The following SEMA3E variants were observed in gnomAD, a reference collection of about 807,000 sequenced individuals.
SEMA3E encodes semaphorin 3E, also known as semaphorin-3E.
SEMA3E carries 49 observed loss-of-function variants against 93.6 expected under a neutral mutation model. That is an observed-to-expected ratio of 0.52 (90% confidence interval 0.42 to 0.66). The LOEUF (loss-of-function observed/expected upper bound fraction) is 0.66. Among genes scored for constraint, SEMA3E ranks in the 30% least tolerant of loss-of-function variants. SEMA3E has a pLI of 0.00. For missense variants in SEMA3E, 906 were observed against 964.8 expected, an observed-to-expected ratio of 0.94 and a Z score of 0.81; for synonymous variants, 363 against 330.7, an observed-to-expected ratio of 1.10 and a Z score of -1.06.
At chr7:83,590,434 C>T (rs983179270) in intron 1 of SEMA3E, among the ~76,000 whole-genome samples, 2 of 152,138 alleles carry the variant, frequency 1.3e-5, no homozygotes, top group African/African-American at 4.8e-5. Flanking sequence ...CAAGGCATTG[C>T]CCTGTCCTTT....
At chr7:83,475,579 G>A (rs1789992777) in intron 2 of SEMA3E, among the ~76,000 whole-genome samples, 1 of 152,116 alleles carries the variant, frequency 6.6e-6, no homozygotes, top group South Asian at 2.1e-4. Context: ...TACCTAGGCT[G>A]CCACGCATCA....
chr7:83,632,582 C>T (rs1793808308), intron 1 of SEMA3E, among the ~76,000 whole-genome samples: 1 of 152,178 alleles, frequency 6.6e-6, no homozygotes, highest in Admixed American at 6.5e-5. Context: ...TGCCTTCCGC[C>T]ATGATAGTGA....
At chr7:83,456,109 C>A (rs1242882010) in intron 4 of SEMA3E, among the ~76,000 whole-genome samples, 1 of 152,194 alleles carries the variant, frequency 6.6e-6, no homozygotes, top group African/African-American at 2.4e-5. Flanking sequence ...TGCTAATATT[C>A]TTGTGCTAAA....
chr7:83,523,543 C>T (rs1057138927), intron 1 of SEMA3E, among the ~76,000 whole-genome samples: 10 of 152,076 alleles, frequency 6.6e-5, no homozygotes, highest in African/African-American at 2.2e-4. Context: ...CTGTCATTAT[C>T]GCTTTTCTCT....
rs11324407 is a variant in SEMA3E, at chr7:83,474,095, T to TA, written c.277-4794dup. Among the ~76,000 whole-genome samples the TA allele has an allele frequency of 7.6e-3, 828 of 108,542 alleles. 2 individuals are homozygous for TA. The highest frequency in any genetic ancestry group is 0.013 in the African/African-American group (383 of 29,338). 71.2% of individuals were successfully genotyped at this position (108,542 alleles called of 152,430 possible). A position where few individuals can be genotyped will look rare whatever the true frequency, so the allele number is the denominator to read the frequency against. On this transcript the variant is annotated intron_variant, in intron 2 of 16. Transcript: ENST00000643230. ...CAACAGAGTGAGACTCTATCTCAAT[T>TA]AAAAAAAAAAAAAAAAAAAAAGAAA...
intron 1 of SEMA3E, among the ~76,000 whole-genome samples, chr7:83,558,571 T>C (rs1456259804): frequency 6.6e-6 from 1 of 152,090 alleles, no homozygotes; most frequent in Non-Finnish European, 1.5e-5. Context: ...AAGAAAATAA[T>C]AGACCTATTA....
chr7:83,542,662 A>C (rs1194782650), intron 1 of SEMA3E, among the ~76,000 whole-genome samples: 1 of 152,156 alleles, frequency 6.6e-6, no homozygotes, highest in Non-Finnish European at 1.5e-5. Flanking sequence ...CCTAGAAAGC[A>C]GAAGGAAGGT....
chr7:83,456,012 T>C (rs1789470027), intron 4 of SEMA3E, among the ~76,000 whole-genome samples: 1 of 152,204 alleles, frequency 6.6e-6, no homozygotes, highest in Non-Finnish European at 1.5e-5. Flanking sequence ...CCACAGAAAC[T>C]GTGAGATAAT....
intron 1 of SEMA3E, among the ~76,000 whole-genome samples, chr7:83,594,655 G>A (rs1228665753): frequency 6.6e-6 from 1 of 152,008 alleles, no homozygotes; most frequent in African/African-American, 2.4e-5. Context: ...TTTTTATTTT[G>A]AAAATATGTT....
intron 1 of SEMA3E, among the ~76,000 whole-genome samples, chr7:83,599,095 T>G (rs2115974041): frequency 6.6e-6 from 1 of 152,334 alleles, no homozygotes; most frequent in African/African-American, 2.4e-5. Flanking sequence ...CTCTCATTTT[T>G]AAGGTAAAAA....
chr7:83,497,491 A>T (rs1039152222), intron 1 of SEMA3E, among the ~76,000 whole-genome samples: 1 of 152,184 alleles, frequency 6.6e-6, no homozygotes, highest in African/African-American at 2.4e-5. Context: ...AATTTCAGTC[A>T]GTAAGCATTG....
rs1311053148 is a variant in SEMA3E at position 83,396,513 on chromosome 7, T to A, written c.1458+125A>T. On this transcript the variant is annotated intron_variant, in intron 12 of 16. Transcript: ENST00000643230. ...TTAGAATTTGAAATAATTCTTCACT[T>A]ATATTAGCTCTGAATCCACAACATA... The A allele has an allele frequency of 6.3e-6, 4 of 631,522 alleles. No individual in the cohort carries two copies. The African/African-American group carries it at 7.3e-5, about 12-fold the overall frequency. 39.1% of individuals were successfully genotyped at this position (631,522 alleles called of 1,614,324 possible).
At chr7:83,623,086 C>T (rs1384702194) in intron 1 of SEMA3E, among the ~76,000 whole-genome samples, 2 of 152,220 alleles carry the variant, frequency 1.3e-5, no homozygotes, top group Admixed American at 6.5e-5. Flanking sequence ...GGAAAAACAA[C>T]ATTATTCTAA....
At chr7:83,462,713 G>A (rs1400416003) in intron 4 of SEMA3E, among the ~76,000 whole-genome samples, 1 of 149,304 alleles carries the variant, frequency 6.7e-6, no homozygotes, top group Non-Finnish European at 1.5e-5. Flanking sequence ...GCTACAGCAT[G>A]TCCTTTTAAA....
At chr7:83,374,162 C>A (rs1015305574) in intron 16 of SEMA3E, among the ~76,000 whole-genome samples, 1 of 142,316 alleles carries the variant, frequency 7.0e-6, no homozygotes, top group Admixed American at 7.3e-5. Context: ...GCCGAGATCA[C>A]GCCATTGCAC....
rs1224607258 is a variant in SEMA3E at position 83,619,900 on chromosome 7, T to TAGAC, written c.115+28524_115+28527dup. Among the ~76,000 whole-genome samples the TAGAC allele has an allele frequency of 9.3e-3, 1,092 of 117,808 alleles. 9 individuals are homozygous for TAGAC. Among genetic ancestry groups the TAGAC allele is most frequent in the Non-Finnish European group, 0.012 (675 of 57,144 alleles). The allele number at this position is 117,808 out of a possible 152,430, so 77.3% of individuals were successfully genotyped here. On this transcript the variant is annotated intron_variant, in intron 1 of 16. Transcript: ENST00000643230. ...GATAGATAGATGATAGATAGATAGA[T>TAGAC]AGACAGATAGATAGATAGATAGACA... is the stretch of plus-strand genomic sequence containing the variant.
At chr7:83,464,426 C>A (rs6968214) in intron 4 of SEMA3E, among the ~76,000 whole-genome samples, 39,608 of 104,180 alleles carry the variant, frequency 0.38, 8,935 homozygotes, top group East Asian at 0.78. Flanking sequence ...CTCCTATTCA[C>A]CGTTCTCAAC....
chr7:83,608,154 A>G (rs1793165965), intron 1 of SEMA3E, among the ~76,000 whole-genome samples: 1 of 152,052 alleles, frequency 6.6e-6, no homozygotes, highest in African/African-American at 2.4e-5. Flanking sequence ...CAGAGGTTAC[A>G]GTAAGCCAAG....
At chr7:83,454,257 C>CAAAAAA (rs1157801830) in intron 4 of SEMA3E, among the ~76,000 whole-genome samples, 14 of 44,944 alleles carry the variant, frequency 3.1e-4, no homozygotes, top group African/African-American at 1.0e-3. Context: ...GACTCCGACT[C>CAAAAAA]AAAAAAAAAA....
Sources: allele counts gnomAD v4.1 joint callset (sites outside exome capture counted in the v4.1 genomes callset), GRCh38; gene constraint gnomAD v4.1.1; transcripts MANE v1.5; gene names NCBI Gene and HGNC (gene_info 2026-07-23, HGNC 2026-07-21).